Variants in PDS5A observed in about 807,000 individuals in gnomAD.
PDS5A encodes PDS5 cohesin associated factor A, also known as sister chromatid cohesion protein PDS5 homolog A.
A neutral mutation model predicts 167.1 loss-of-function variants in PDS5A; 42 were observed. The observed-to-expected ratio is 0.25, with a 90% CI of 0.20 to 0.33. The LOEUF (loss-of-function observed/expected upper bound fraction) is 0.33. Among genes scored for constraint, PDS5A ranks in the 10% least tolerant of loss-of-function variants. The pLI, the probability that PDS5A is intolerant of heterozygous loss-of-function variation, is 1.00. For synonymous variants in PDS5A, 553 were observed against 554.6 expected, an observed-to-expected ratio of 1.00 and a Z score of 0.04; for missense variants, 1,033 against 1,605.9, an observed-to-expected ratio of 0.64 and a Z score of 6.10.
intron 2 of PDS5A, among the ~76,000 whole-genome samples, chr4:39,951,767 G>A (rs1728404504): frequency 6.6e-6 from 1 of 152,020 alleles, no homozygotes; most frequent in Non-Finnish European, 1.5e-5. Context: ...GGGCATGGTG[G>A]CAGGCGCCTG....
chr4:39,929,392 G>A (rs887089833), intron 2 of PDS5A, among the ~76,000 whole-genome samples: 1 of 151,572 alleles, frequency 6.6e-6, no homozygotes, highest in Non-Finnish European at 1.5e-5. Flanking sequence ...TTTCTCCCGT[G>A]CTGGATGCTT....
At position 39,825,409 on chromosome 4, in the gene PDS5A, T is replaced by G. The variant is rs1715203119; in HGVS notation, c.*76A>C. 39 of 1,260,450 alleles carry G rather than the reference T, an allele frequency of 3.1e-5. No homozygotes were observed. In the South Asian group the frequency reaches 5.0e-4, roughly 16 times the overall value. 78.1% of individuals were successfully genotyped at this position (1,260,450 alleles called of 1,614,324 possible). A position where few individuals can be genotyped will look rare whatever the true frequency, so the allele number is the denominator to read the frequency against. On this transcript the variant is annotated 3_prime_UTR_variant, in exon 33 of 33. Coordinates refer to ENST00000303538, the MANE Select transcript of PDS5A (RefSeq NM_001100399.2). Reference sequence around the variant, plus strand: ...AGCTTCATTTTCTGTTCAGGGACATTTGTGAATCCAAGTTTTTGCAGAAGC... The same window carrying G: ...AGCTTCATTTTCTGTTCAGGGACATGTGTGAATCCAAGTTTTTGCAGAAGC...
intron 2 of PDS5A, among the ~76,000 whole-genome samples, chr4:39,953,878 C>G (rs1728647910): frequency 6.6e-6 from 1 of 152,180 alleles, no homozygotes. Context: ...ACTGACACCA[C>G]ACTCTCAATA....
At chr4:39,849,183 T>C (rs1396510049) in intron 27 of PDS5A, among the ~76,000 whole-genome samples, 2 of 152,118 alleles carry the variant, frequency 1.3e-5, no homozygotes, top group Non-Finnish European at 2.9e-5. Flanking sequence ...CCAATATGCA[T>C]GGAAAATAAC....
At chr4:39,930,685 T>C (rs1305443473) in intron 2 of PDS5A, among the ~76,000 whole-genome samples, 1 of 152,176 alleles carries the variant, frequency 6.6e-6, no homozygotes, top group Non-Finnish European at 1.5e-5. Flanking sequence ...TTATACTGGC[T>C]TGAAACAAAA....
chr4:39,929,544 T>TATATATATATATATATATAATGGG (rs1725798014), intron 2 of PDS5A, among the ~76,000 whole-genome samples: 1 of 130,956 alleles, frequency 7.6e-6, no homozygotes, highest in Non-Finnish European at 1.6e-5. Flanking sequence ...TATATATATA[T>TATATATATATATATATATAATGGG]ATATATATAT....
At chr4:39,856,864 A>G (rs1051309039) in intron 26 of PDS5A, among the ~76,000 whole-genome samples, 12 of 152,084 alleles carry the variant, frequency 7.9e-5, no homozygotes, top group Non-Finnish European at 1.5e-5. Context: ...TGCATAAAAC[A>G]GTAACTGTAA....
chr4:39,828,126 T>C (rs1342939618), intron 32 of PDS5A, among the ~76,000 whole-genome samples: 1 of 152,206 alleles, frequency 6.6e-6, no homozygotes, highest in Non-Finnish European at 1.5e-5. Context: ...ACTGGTTTTA[T>C]TGGGTGAACT....
intron 20 of PDS5A, among the ~76,000 whole-genome samples, 189 bp from the exon 21 acceptor site, chr4:39,873,333 G>T (rs1352889986): frequency 6.6e-6 from 1 of 151,942 alleles, no homozygotes; most frequent in African/African-American, 2.4e-5. Context: ...AATTTAGCAA[G>T]ATTGAAAGAA....
At chr4:39,846,048 C>G (rs1475680952) in intron 28 of PDS5A, 168 bp from the exon 29 acceptor site, 1 of 578,676 alleles carries the variant, frequency 1.7e-6, no homozygotes, top group Non-Finnish European at 2.5e-6. Flanking sequence ...AAAGCCATAC[C>G]ATAAGTCTAG....
chr4:39,924,563 T>C (rs1725285287), intron 5 of PDS5A, among the ~76,000 whole-genome samples: 2 of 152,238 alleles, frequency 1.3e-5, no homozygotes, highest in East Asian at 3.8e-4. Flanking sequence ...TCATTAAAAC[T>C]CTGGAAATGT....
At chr4:39,829,997 C>T (rs1309789721) in intron 32 of PDS5A, among the ~76,000 whole-genome samples, 1 of 139,752 alleles carries the variant, frequency 7.2e-6, no homozygotes, top group Admixed American at 7.4e-5. Flanking sequence ...AATTTCCAAG[C>T]TACCGCCATG....
intron 2 of PDS5A, among the ~76,000 whole-genome samples, chr4:39,930,246 A>AAAAAAAAAAAAAAATTTT: frequency 2.1e-5 from 2 of 93,090 alleles, no homozygotes; most frequent in Non-Finnish European, 4.5e-5. Context: ...AAAAAAAAAA[A>AAAAAAAAAAAAAAATTTT]GTTTTTTTGT....
In PDS5A at chr4:39,824,330, CATTTA is replaced by C. The variant is rs967007143; in HGVS notation, c.*1150_*1154del. ...AAAAGACTGCCATGACATCTAGAAG[CATTTA>C]TTTTATGCAAAAAACTTAAATATGA... is the stretch of plus-strand genomic sequence containing the variant. On this transcript the variant is annotated 3_prime_UTR_variant, in exon 33 of 33. Coordinates refer to ENST00000303538, the MANE Select transcript of PDS5A (RefSeq NM_001100399.2). 6.6e-6 allele frequency: 1 copy of C among 152,084 alleles called. No homozygotes were observed. The highest frequency in any genetic ancestry group is 2.4e-5 in the African/African-American group (1 of 41,410). 9.4% of individuals were successfully genotyped at this position (152,084 alleles called of 1,614,324 possible).
chr4:39,857,289 TTGCAG>T (rs1289175970), intron 26 of PDS5A, among the ~76,000 whole-genome samples: 1 of 150,982 alleles, frequency 6.6e-6, no homozygotes, highest in Non-Finnish European at 1.5e-5. Context: ...GAGGCGGAGC[TTGCAG>T]TGAGCCGAGA....
intron 16 of PDS5A, among the ~76,000 whole-genome samples, chr4:39,896,791 CTT>C (rs58818457): frequency 6.6e-6 from 1 of 150,748 alleles, no homozygotes; most frequent in East Asian, 1.9e-4. Flanking sequence ...AGTTTTAAAA[CTT>C]TTTTTTGTGC....
At chr4:39,869,501 A>AC in intron 21 of PDS5A, 39 bp from the exon 22 acceptor site, 1 of 1,254,818 alleles carries the variant, frequency 8.0e-7, no homozygotes, top group Non-Finnish European at 1.2e-6. Context: ...TAGCATGAAA[A>AC]AAAAAATTTA....
intron 24 of PDS5A, 76 bp from the exon 25 acceptor site, chr4:39,863,149 C>A: frequency 1.7e-6 from 2 of 1,160,552 alleles, no homozygotes; most frequent in South Asian, 2.7e-5. Context: ...TTTTTAGTGT[C>A]TTCAATTAAA....
At chr4:39,908,277 A>AT (rs1723570503) in intron 11 of PDS5A, 118 bp downstream of exon 11, 1 of 804,864 alleles carries the variant, frequency 1.2e-6, no homozygotes, top group African/African-American at 1.7e-5. Context: ...GCTCTTTATC[A>AT]TTGTTATTAA....
Sources: gnomAD v4.1 joint callset for allele counts (sites outside exome capture counted in the v4.1 genomes callset) on GRCh38, gnomAD v4.1.1 for gene constraint, MANE v1.5 for transcripts, NCBI Gene and HGNC (gene_info 2026-07-23, HGNC 2026-07-21) for gene names.